Variants in FRMD5 observed in about 807,000 individuals in gnomAD.
FRMD5 encodes FERM domain-containing protein 5.
A neutral mutation model predicts 69.0 loss-of-function variants in FRMD5; 20 were observed. The ratio of observed to expected loss-of-function variants is 0.29; its 90% confidence interval spans 0.20 to 0.42. FRMD5 has a LOEUF of 0.42. Ranked by LOEUF, FRMD5 falls within the 10% of genes least tolerant of loss-of-function variation. The pLI is 1.00. For missense variants in FRMD5, 595 were observed against 708.6 expected (o/e 0.84, Z 1.82); for synonymous variants, 271 against 260.1 (o/e 1.04, Z -0.40).
intron 6 of FRMD5, among the ~76,000 whole-genome samples, chr15:43,905,372 C>T (rs905085685): frequency 7.9e-5 from 12 of 151,916 alleles, no homozygotes; most frequent in Admixed American, 2.6e-4. Flanking sequence ...CCTGGCCTCA[C>T]GTGATCCACC....
intron 1 of FRMD5, among the ~76,000 whole-genome samples, chr15:44,160,890 C>T (rs2077605772): frequency 6.6e-6 from 1 of 152,174 alleles, no homozygotes; most frequent in Admixed American, 6.5e-5. Flanking sequence ...TAGCAACTTA[C>T]TAGCCCTTTC....
intron 1 of FRMD5, among the ~76,000 whole-genome samples, chr15:44,191,189 A>C: frequency 6.6e-6 from 1 of 152,200 alleles, no homozygotes; most frequent in East Asian, 1.9e-4. Context: ...ACTGATTAAC[A>C]TTTCTGACTT....
intron 1 of FRMD5, among the ~76,000 whole-genome samples, chr15:44,159,863 G>C (rs1170220159): frequency 6.6e-6 from 1 of 152,180 alleles, no homozygotes; most frequent in Non-Finnish European, 1.5e-5. Context: ...ATAGAATCCA[G>C]CACTATCACC....
At chr15:43,966,412 C>T (rs2090296073) in intron 1 of FRMD5, among the ~76,000 whole-genome samples, 1 of 151,872 alleles carries the variant, frequency 6.6e-6, no homozygotes, top group Admixed American at 6.6e-5. Flanking sequence ...TACCATCTAA[C>T]TGGGCAGGAT....
chr15:44,149,840 G>T (rs1198160670), intron 1 of FRMD5, among the ~76,000 whole-genome samples: 2 of 151,982 alleles, frequency 1.3e-5, no homozygotes, highest in African/African-American at 2.4e-5. Flanking sequence ...AGCAAAGACA[G>T]TATTAAAAAA....
chr15:44,159,559 GAAC>G (rs992257181), intron 1 of FRMD5, among the ~76,000 whole-genome samples: 1 of 152,194 alleles, frequency 6.6e-6, no homozygotes, highest in Non-Finnish European at 1.5e-5. Context: ...TAAAGTTAAG[GAAC>G]AAGAGGAGTT....
chr15:44,148,935 T>G (rs1328212039), intron 1 of FRMD5, among the ~76,000 whole-genome samples: 1 of 152,210 alleles, frequency 6.6e-6, no homozygotes, highest in Non-Finnish European at 1.5e-5. Context: ...AACTCCAGTT[T>G]TTGTTTTCTC....
chr15:44,129,408 T>C (rs2077067816), intron 1 of FRMD5, among the ~76,000 whole-genome samples: 1 of 152,230 alleles, frequency 6.6e-6, no homozygotes, highest in African/African-American at 2.4e-5. Context: ...ACAGACTTTA[T>C]CCCAGGGCTA....
intron 1 of FRMD5, among the ~76,000 whole-genome samples, chr15:44,066,677 T>C (rs1893325081): frequency 6.6e-6 from 1 of 152,180 alleles, no homozygotes. Context: ...TCAAAGTTTT[T>C]AGGCAGGAGA....
At chr15:43,882,320 T>C (rs1405868330) in intron 13 of FRMD5, among the ~76,000 whole-genome samples, 3 of 152,140 alleles carry the variant, frequency 2.0e-5, no homozygotes, top group Admixed American at 2.0e-4. Context: ...TTGAATTTCC[T>C]GAGACAGTGG....
intron 1 of FRMD5, chr15:44,194,738 C>T: frequency 1.5e-6 from 1 of 651,696 alleles, no homozygotes; most frequent in East Asian, 3.0e-5. Flanking sequence ...CGCGGAGACT[C>T]GCCCCGCGGC....
chr15:43,944,275 G>A (rs2140494282), intron 1 of FRMD5, among the ~76,000 whole-genome samples: 1 of 152,290 alleles, frequency 6.6e-6, no homozygotes, highest in Non-Finnish European at 1.5e-5. Flanking sequence ...TAATGTGCTC[G>A]GCTCAGATCT....
chr15:43,986,800 G>GTT (rs142191125), intron 1 of FRMD5, among the ~76,000 whole-genome samples: 11 of 146,328 alleles, frequency 7.5e-5, no homozygotes, highest in South Asian at 2.2e-4. Flanking sequence ...TGGGGTTTTT[G>GTT]TTTTTTTTTT....
intron 13 of FRMD5, among the ~76,000 whole-genome samples, chr15:43,882,741 T>TA (rs557314656): frequency 8.5e-5 from 13 of 152,296 alleles, no homozygotes; most frequent in Admixed American, 8.5e-4. Flanking sequence ...AATTCTTGGT[T>TA]AACAGTCTCA....
At chr15:44,145,882 C>A (rs147352147) in intron 1 of FRMD5, among the ~76,000 whole-genome samples, 2 of 152,302 alleles carry the variant, frequency 1.3e-5, no homozygotes, top group African/African-American at 4.8e-5. Flanking sequence ...AGAAGAAAAA[C>A]ATATCATACT....
chr15:44,152,923 T>C (rs560446276), intron 1 of FRMD5, among the ~76,000 whole-genome samples: 10 of 152,150 alleles, frequency 6.6e-5, no homozygotes, highest in African/African-American at 2.4e-4. Flanking sequence ...AGACATTTCT[T>C]CAAAGAAGAT....
At position 43,906,784 on chromosome 15, in the gene FRMD5, G is replaced by A. The variant is rs1289882826; in HGVS notation, c.428-833C>T. Among the ~76,000 whole-genome samples, 3 of 138,802 alleles carry A rather than the reference G, an allele frequency of 2.2e-5. 1 individual carries two copies. Among genetic ancestry groups the A allele is most frequent in the African/African-American group, 1.0e-4 (3 of 29,534 alleles). 91.1% of individuals were successfully genotyped at this position (138,802 alleles called of 152,430 possible). On this transcript the variant is annotated intron_variant, in intron 5 of 13. Coordinates refer to ENST00000417257, the MANE Select transcript of FRMD5 (RefSeq NM_032892.5). ...GCCCGGCTGATTTTTTGTATTTTTA[G>A]TAGAGACGGGGTTTCACCGTGTTAG...
At position 43,891,988 on chromosome 15, in the gene FRMD5, T is replaced by C; in HGVS notation, c.721A>G (p.Ile241Val). ...VLQGNKRVHF[I>V]KWNEVTKLKF... ...GGAAATGAAGATGCTCACCATTTAATGAAGTGGACCCTCTTGTTTCCTTGA... is the reference window on the plus strand; with the variant it reads ...GGAAATGAAGATGCTCACCATTTAACGAAGTGGACCCTCTTGTTTCCTTGA... Residue 241 changes from isoleucine to valine, a missense_variant, in exon 8 of 14, where the codon ATT becomes GTT. By Grantham distance (29) the Ile-to-Val change is conservative. Around this residue, in one of 5 missense-constraint regions of FRMD5, gnomAD observed 176 missense variants for 266.3 expected, o/e 0.66. Transcript: ENST00000417257. 2 of 1,613,872 alleles carry C rather than the reference T, an allele frequency of 1.2e-6. No homozygotes were observed. Among genetic ancestry groups the C allele is most frequent in the African/African-American group, 2.7e-5 (2 of 75,044 alleles).
chr15:43,966,290 T>A (rs2090293894), intron 1 of FRMD5, among the ~76,000 whole-genome samples: 1 of 152,044 alleles, frequency 6.6e-6, no homozygotes, highest in Non-Finnish European at 1.5e-5. Flanking sequence ...GAGAATCACT[T>A]GAACCCAGGA....
Sources: allele counts gnomAD v4.1 joint callset (sites outside exome capture counted in the v4.1 genomes callset), GRCh38; gene constraint gnomAD v4.1.1; regional missense constraint gnomAD v4.1.1; transcripts MANE v1.5; gene names NCBI Gene and HGNC (gene_info 2026-07-23, HGNC 2026-07-21).